Variants in PDE4B observed in about 807,000 individuals in gnomAD.
PDE4B encodes phosphodiesterase 4B.
Under a neutral mutation model 82.2 loss-of-function variants are expected in PDE4B, and 20 were observed. That is an observed-to-expected ratio of 0.24 (90% CI 0.17 to 0.35). The LOEUF (loss-of-function observed/expected upper bound fraction) is 0.35, where lower values mean the gene tolerates loss of function less well. Ranked by LOEUF, PDE4B falls within the 10% of genes least tolerant of loss-of-function variation. The pLI is 1.00. For missense variants in PDE4B, 655 were observed against 907.2 expected, an observed-to-expected ratio of 0.72 and a Z score of 3.57; for synonymous variants, 320 against 318.9, an observed-to-expected ratio of 1.00 and a Z score of -0.04.
chr1:65,824,612 CAT>C (rs34795074), intron 1 of PDE4B, among the ~76,000 whole-genome samples: 15,019 of 149,296 alleles, frequency 0.1, 842 homozygotes, highest in South Asian at 0.14. Flanking sequence ...ACTTCACCTA[CAT>C]ATATATATAC....
Position 66,023,340 on chromosome 1 carries a change from A to T in PDE4B, c.281+104505A>T, listed in dbSNP as rs371000818. Among the ~76,000 whole-genome samples the T allele has an allele frequency of 1.1e-4, 17 of 152,288 alleles. 5 individuals are homozygous for T. Among genetic ancestry groups the T allele is most frequent in the East Asian group, 3.9e-4 (2 of 5,188 alleles). On this transcript the variant is annotated intron_variant, in intron 3 of 16. Coordinates refer to ENST00000341517, the MANE Select transcript of PDE4B (RefSeq NM_002600.4). The stretch of plus-strand genomic sequence containing the variant: ...TTGGGTTCCTCAAAGTTTCCTATGC[A>T]CTAAGGAGGATAGATAGGCTTATCA...
intron 3 of PDE4B, among the ~76,000 whole-genome samples, chr1:66,215,689 C>T (rs961906155): frequency 2.6e-5 from 4 of 152,208 alleles, no homozygotes; most frequent in African/African-American, 9.6e-5. Flanking sequence ...TAAAGCAATG[C>T]CCCATCCACA....
At chr1:65,906,882 G>A (rs1310660658) in intron 1 of PDE4B, among the ~76,000 whole-genome samples, 1 of 152,208 alleles carries the variant, frequency 6.6e-6, no homozygotes, top group East Asian at 1.9e-4. Context: ...TTATTTAAAA[G>A]GATGCCATTA....
chr1:66,303,380 C>G (rs927381438), intron 7 of PDE4B, among the ~76,000 whole-genome samples: 1 of 151,242 alleles, frequency 6.6e-6, no homozygotes, highest in Non-Finnish European at 1.5e-5. Flanking sequence ...TACACACACA[C>G]AGTGAAATGA....
intron 1 of PDE4B, among the ~76,000 whole-genome samples, chr1:65,895,932 A>AAAAT (rs1553197189): frequency 7.0e-6 from 1 of 143,702 alleles, no homozygotes; most frequent in Non-Finnish European, 1.5e-5. Context: ...ATGAAAAAGA[A>AAAAT]AATAATAATA....
At chr1:65,828,539 C>A (rs1469662788) in intron 1 of PDE4B, among the ~76,000 whole-genome samples, 1 of 152,108 alleles carries the variant, frequency 6.6e-6, no homozygotes, top group Non-Finnish European at 1.5e-5. Flanking sequence ...AGCCACTGCA[C>A]CTGGTCTCCT....
chr1:66,246,593 T>C (rs11208823), intron 3 of PDE4B, among the ~76,000 whole-genome samples: 4,550 of 152,142 alleles, frequency 0.03, 114 homozygotes, highest in Admixed American at 0.063. Flanking sequence ...TAAAGGAGAA[T>C]GTGAAAAGGG....
chr1:66,061,133 A>G (rs770694384), intron 3 of PDE4B, among the ~76,000 whole-genome samples: 3 of 151,342 alleles, frequency 2.0e-5, no homozygotes, highest in Non-Finnish European at 4.4e-5. Flanking sequence ...TAAAGATTAC[A>G]TGTGGTCTTT....
intron 3 of PDE4B, among the ~76,000 whole-genome samples, chr1:65,971,952 T>C (rs979988425): frequency 6.6e-6 from 1 of 152,202 alleles, no homozygotes; most frequent in African/African-American, 2.4e-5. Context: ...ATGCCAAGTC[T>C]TGTATCTTAT....
chr1:66,339,141 A>G (rs1379278154), intron 8 of PDE4B, among the ~76,000 whole-genome samples: 3 of 152,256 alleles, frequency 2.0e-5, no homozygotes, highest in Admixed American at 2.0e-4. Flanking sequence ...TGACCATAAA[A>G]CAGAGAATTA....
At chr1:66,272,124 T>C (rs1002418568) in intron 7 of PDE4B, among the ~76,000 whole-genome samples, 1 of 152,182 alleles carries the variant, frequency 6.6e-6, no homozygotes, top group African/African-American at 2.4e-5. Flanking sequence ...TCCCAAACCC[T>C]AGCTGCTGCC....
intron 7 of PDE4B, among the ~76,000 whole-genome samples, chr1:66,319,024 G>A (rs907148021): frequency 6.6e-6 from 1 of 152,192 alleles, no homozygotes; most frequent in Non-Finnish European, 1.5e-5. Flanking sequence ...AAGAAAATCA[G>A]TAAACTTGAA....
chr1:66,009,673 A>G (rs554563877), intron 3 of PDE4B, among the ~76,000 whole-genome samples: 31 of 152,044 alleles, frequency 2.0e-4, no homozygotes, highest in Non-Finnish European at 3.7e-4. Flanking sequence ...TCAAGAAAAA[A>G]CTTTCTCCAG....
chr1:66,244,270 G>T (rs1413765421), intron 3 of PDE4B, among the ~76,000 whole-genome samples: 1 of 151,910 alleles, frequency 6.6e-6, no homozygotes, highest in Non-Finnish European at 1.5e-5. Context: ...AAAATAAACT[G>T]CTAGTAATGA....
At chr1:65,997,456 C>T (rs1651613524) in intron 3 of PDE4B, among the ~76,000 whole-genome samples, 1 of 152,206 alleles carries the variant, frequency 6.6e-6, no homozygotes, top group African/African-American at 2.4e-5. Context: ...GGCAAGACAA[C>T]ACTGGATTAA....
At chr1:66,024,946 T>C (rs142412381) in intron 3 of PDE4B, among the ~76,000 whole-genome samples, 1 of 152,096 alleles carries the variant, frequency 6.6e-6, no homozygotes, top group Non-Finnish European at 1.5e-5. Context: ...TAAAGTATTA[T>C]GTATATGAAC....
chr1:65,841,381 A>AAGGAAGGAAGG (rs143829481), intron 1 of PDE4B, among the ~76,000 whole-genome samples: 1 of 150,226 alleles, frequency 6.7e-6, no homozygotes, highest in African/African-American at 2.5e-5. Context: ...AAAGGAAAGG[A>AAGGAAGGAAGG]AAGGAAGGAA....
intron 1 of PDE4B, among the ~76,000 whole-genome samples, chr1:65,832,590 A>C (rs1033177569): frequency 1.3e-5 from 2 of 152,232 alleles, no homozygotes; most frequent in Non-Finnish European, 2.9e-5. Context: ...CAGGAATGCT[A>C]GTGGTAATTC....
chr1:66,071,617 A>T (rs1656159171), intron 3 of PDE4B, among the ~76,000 whole-genome samples: 1 of 152,002 alleles, frequency 6.6e-6, no homozygotes, highest in African/African-American at 2.4e-5. Flanking sequence ...TTTTTTGAGA[A>T]TTACTTTCCC....
Sources: allele counts gnomAD v4.1 joint callset (sites outside exome capture counted in the v4.1 genomes callset), GRCh38; gene constraint gnomAD v4.1.1; transcripts MANE v1.5; gene names NCBI Gene and HGNC (gene_info 2026-07-23, HGNC 2026-07-21).